Variants in SLC24A2 observed in about 807,000 individuals in gnomAD.
SLC24A2 encodes sodium/potassium/calcium exchanger 2.
SLC24A2 carries 36 observed loss-of-function variants against 62.0 expected under a neutral mutation model. That is an observed-to-expected ratio of 0.58 (90% CI 0.44 to 0.77). SLC24A2 has a LOEUF of 0.77. Among genes scored for constraint, SLC24A2 ranks in the 30% least tolerant of loss-of-function variants. The pLI is 0.00. For synonymous variants in SLC24A2, 358 were observed against 294.0 expected (o/e 1.22, Z -2.23); for missense variants, 846 against 817.9 (o/e 1.03, Z -0.42).
the SLC24A2 span, among the ~76,000 whole-genome samples, chr9:20,228,138 T>C: frequency 1.5e-4 from 23 of 152,304 alleles, no homozygotes; most frequent in South Asian, 1.2e-3. Context: ...ATTCCCAGTT[T>C]ACTAAATTTC....
rs768294005 is a variant in SLC24A2, at chr9:19,576,973, T to C, written c.1179A>G (p.Lys393=). Residue 393 remains lysine (K), a synonymous_variant, in exon 6 of 11, where the codon AAA becomes AAG. Coordinates refer to ENST00000341998, the MANE Select transcript of SLC24A2 (RefSeq NM_020344.4). ...ASILHKIAKK[K]CHVDENERQN... ...GCCTCTCGTTCTCATCCACATGACA[T>C]TTCTTCTTGGCGATCTTGTGGAGAA... is the stretch of plus-strand genomic sequence containing the variant. 2.5e-6 allele frequency: 4 copies of C among 1,614,196 alleles called. No homozygotes were observed. Among genetic ancestry groups the C allele is most frequent in the East Asian group, 4.5e-5 (2 of 44,878 alleles).
chr9:19,831,459 A>G, the SLC24A2 span, among the ~76,000 whole-genome samples: 1 of 152,226 alleles, frequency 6.6e-6, no homozygotes, highest in African/African-American at 2.4e-5. Context: ...AAATAAGGCC[A>G]CTTATAAGCC....
At chr9:20,260,864 T>G in the SLC24A2 span, among the ~76,000 whole-genome samples, 1 of 145,404 alleles carries the variant, frequency 6.9e-6, no homozygotes, top group Non-Finnish European at 1.5e-5. Flanking sequence ...TTTTTTTTTT[T>G]TTTTTTTTAA....
the SLC24A2 span, among the ~76,000 whole-genome samples, chr9:20,035,027 A>G: frequency 2.6e-5 from 4 of 152,128 alleles, no homozygotes; most frequent in African/African-American, 7.2e-5. Context: ...ATTAAATGAA[A>G]AATATATATA....
chr9:20,185,545 G>C, the SLC24A2 span, among the ~76,000 whole-genome samples: 1 of 151,346 alleles, frequency 6.6e-6, no homozygotes. Flanking sequence ...GGCGCCTGTA[G>C]TCCCAGCTAT....
chr9:19,861,481 C>A, the SLC24A2 span, among the ~76,000 whole-genome samples: 4 of 152,010 alleles, frequency 2.6e-5, no homozygotes, highest in Admixed American at 6.6e-5. Context: ...CACAAAAAAC[C>A]TAGACTGTAA....
At chr9:19,957,849 A>C in the SLC24A2 span, 1 of 152,914 alleles carries the variant, frequency 6.5e-6, no homozygotes, top group South Asian at 2.1e-4. Flanking sequence ...TGCTTCTGTC[A>C]CTCAAAGGTT....
At chr9:19,811,644 T>A in the SLC24A2 span, among the ~76,000 whole-genome samples, 2 of 152,108 alleles carry the variant, frequency 1.3e-5, no homozygotes, top group African/African-American at 2.4e-5. Context: ...TTTTTACCAT[T>A]TTTTCAGAGG....
At chr9:20,106,224 A>G in the SLC24A2 span, among the ~76,000 whole-genome samples, 4 of 152,320 alleles carry the variant, frequency 2.6e-5, no homozygotes, top group East Asian at 7.7e-4. Flanking sequence ...CCAACCAAAA[A>G]GAGTCCAGGA....
the SLC24A2 span, among the ~76,000 whole-genome samples, chr9:19,799,735 G>C: frequency 6.6e-6 from 1 of 152,092 alleles, no homozygotes; most frequent in Non-Finnish European, 1.5e-5. Context: ...TTAATAATTT[G>C]GTGTTTATTT....
chr9:20,306,758 G>C, the SLC24A2 span, among the ~76,000 whole-genome samples: 1 of 152,132 alleles, frequency 6.6e-6, no homozygotes, highest in African/African-American at 2.4e-5. Context: ...GTGCAGTGGC[G>C]TGATCTTGGT....
chr9:19,581,233 G>A (rs938241393), intron 5 of SLC24A2, among the ~76,000 whole-genome samples: 2 of 152,152 alleles, frequency 1.3e-5, no homozygotes, highest in Non-Finnish European at 2.9e-5. Context: ...TTAGAAAAAG[G>A]ATCATTTTAG....
chr9:19,764,641 T>G (rs1442580015), intron 2 of SLC24A2, among the ~76,000 whole-genome samples: 1 of 152,200 alleles, frequency 6.6e-6, no homozygotes, highest in Admixed American at 6.5e-5. Context: ...CTGAGTTCTA[T>G]TTTGATTGCA....
the SLC24A2 span, among the ~76,000 whole-genome samples, chr9:19,820,058 C>T: frequency 0.2 from 6,855 of 33,812 alleles, 556 homozygotes; most frequent in African/African-American, 0.26. Flanking sequence ...TATATATACA[C>T]ATATATATAT....
At chr9:20,184,253 A>T in the SLC24A2 span, among the ~76,000 whole-genome samples, 58 of 152,376 alleles carry the variant, frequency 3.8e-4, no homozygotes, top group Non-Finnish European at 4.6e-4. Flanking sequence ...CTATTGTCAA[A>T]AAAAGCAAAA....
the SLC24A2 span, among the ~76,000 whole-genome samples, chr9:20,258,906 G>C: frequency 7.2e-6 from 1 of 139,634 alleles, no homozygotes; most frequent in Non-Finnish European, 1.6e-5. Context: ...CCATGCTACA[G>C]ATTGTGTCTC....
chr9:20,132,390 G>A, the SLC24A2 span, among the ~76,000 whole-genome samples: 1 of 152,116 alleles, frequency 6.6e-6, no homozygotes, highest in Admixed American at 6.6e-5. Context: ...ATTGCATCAA[G>A]AAATGCAAGT....
At chr9:20,287,413 ACTT>A in the SLC24A2 span, among the ~76,000 whole-genome samples, 1 of 151,216 alleles carries the variant, frequency 6.6e-6, no homozygotes, top group African/African-American at 2.4e-5. Context: ...TGCCCAGGTA[ACTT>A]TTATATGCTG....
intron 2 of SLC24A2, among the ~76,000 whole-genome samples, chr9:19,731,680 G>A (rs984679124): frequency 7.2e-5 from 11 of 152,150 alleles, no homozygotes; most frequent in Admixed American, 1.3e-4. Context: ...GATTTCTGCC[G>A]TTTAAGCCAC....
Sources: allele counts gnomAD v4.1 joint callset (sites outside exome capture counted in the v4.1 genomes callset), GRCh38; gene constraint gnomAD v4.1.1; transcripts MANE v1.5; gene names NCBI Gene and HGNC (gene_info 2026-07-23, HGNC 2026-07-21).